The following HIPK1 variants were observed in gnomAD, a reference collection of about 807,000 sequenced individuals.
HIPK1 encodes homeodomain interacting protein kinase 1.
HIPK1 carries 28 observed loss-of-function variants against 117.1 expected under a neutral mutation model. The ratio of observed to expected loss-of-function variants is 0.24; its 90% CI spans 0.18 to 0.33. HIPK1 has a LOEUF of 0.33. HIPK1 is among the 10% of genes least tolerant of loss of function. The pLI is 1.00. For missense variants in HIPK1, 1,122 were observed against 1,475.1 expected (o/e 0.76, Z 3.92); for synonymous variants, 605 against 562.5 (o/e 1.08, Z -1.07).
At chr1:113,947,665 A>AT (rs1306755045) in intron 2 of HIPK1, among the ~76,000 whole-genome samples, 1 of 152,176 alleles carries the variant, frequency 6.6e-6, no homozygotes, top group Non-Finnish European at 1.5e-5. Context: ...GGTTGGAAGA[A>AT]TTTTTCAACT....
intron 2 of HIPK1, among the ~76,000 whole-genome samples, chr1:113,947,047 T>C (rs1206070589): frequency 6.6e-6 from 1 of 152,212 alleles, no homozygotes; most frequent in Non-Finnish European, 1.5e-5. Context: ...GTGAAGCATT[T>C]TGACTCCAAA....
intron 2 of HIPK1, among the ~76,000 whole-genome samples, chr1:113,950,667 T>G (rs1209410707): frequency 6.6e-6 from 1 of 152,166 alleles, no homozygotes; most frequent in Non-Finnish European, 1.5e-5. Context: ...CATGCCCAGC[T>G]AATTTTTGTA....
At chr1:113,971,982 T>C (rs764882647) in intron 15 of HIPK1, 28 bp downstream of exon 15, 88 of 1,612,652 alleles carry the variant, frequency 5.5e-5, no homozygotes, top group South Asian at 5.2e-4. Flanking sequence ...CTGCCTTCTG[T>C]TTGGGCCCTG....
At chr1:113,949,322 T>A (rs1446379276) in intron 2 of HIPK1, among the ~76,000 whole-genome samples, 1 of 152,146 alleles carries the variant, frequency 6.6e-6, no homozygotes, top group East Asian at 1.9e-4. Flanking sequence ...CCAGTTGTGC[T>A]CCCCCTGCCA....
chr1:113,944,160 T>G (rs1370243226), intron 2 of HIPK1, among the ~76,000 whole-genome samples: 5 of 43,988 alleles, frequency 1.1e-4, no homozygotes, highest in African/African-American at 1.8e-4. Flanking sequence ...TAGCCATGGG[T>G]TTTTTTTTTT....
intron 13 of HIPK1, 143 bp from the exon 14 acceptor site, chr1:113,969,812 TG>T (rs1328627079): frequency 1.2e-5 from 10 of 815,442 alleles, no homozygotes; most frequent in Admixed American, 2.0e-5. Context: ...GAGGCTAAGA[TG>T]GGAGGATAGC....
chr1:113,931,762 CA>C (rs1669913104), intron 1 of HIPK1, among the ~76,000 whole-genome samples: 1 of 152,162 alleles, frequency 6.6e-6, no homozygotes, highest in Non-Finnish European at 1.5e-5. Context: ...ATCAGTGAGT[CA>C]TACCGGCCTT....
At position 113,970,249 on chromosome 1, in the gene HIPK1, C is replaced by T. The variant is rs144114374; in HGVS notation, c.3013+52C>T. 5,191 of 1,601,634 alleles carry T rather than the reference C, an allele frequency of 3.2e-3. 19 individuals are homozygous for T. The highest frequency in any genetic ancestry group is 3.9e-3 in the Non-Finnish European group (4,536 of 1,170,418). On this transcript the variant is annotated intron_variant, in intron 14 of 15. Transcript: ENST00000426820. Reference sequence around the variant, plus strand: ...TGAATTCTCCTTTGATGTGTGAATGCTTAAATATTTTGCCATAATCCACTT... The same window carrying T: ...TGAATTCTCCTTTGATGTGTGAATGTTTAAATATTTTGCCATAATCCACTT...
intron 15 of HIPK1, chr1:113,972,165 A>G: frequency 7.2e-7 from 1 of 1,384,082 alleles, no homozygotes; most frequent in Non-Finnish European, 9.6e-7. Flanking sequence ...TAGGTTTTCC[A>G]TCAGACCTCC....
In HIPK1 at chr1:113,966,183, G is replaced by C. The variant is rs374247255; in HGVS notation, c.2292G>C (p.Gln764His). The change falls in exon 11 of 16, where the codon CAG becomes CAC. Residue 764 changes from glutamine (Q) to histidine (H), a missense_variant. Coordinates refer to ENST00000426820, the MANE Select transcript of HIPK1 (RefSeq NM_198268.3). ...TTCTCCTGCCTTCAACTTGGCAACA[G>C]TTGCCTGGGGTAGCTCTACACAACT... ...QQILLPSTWQ[Q>H]LPGVALHNSV... 2.5e-6 allele frequency: 4 copies of C among 1,613,820 alleles called. No homozygotes were observed. The South Asian group carries it at 3.3e-5, about 13-fold the overall frequency.
At position 113,961,547 on chromosome 1, in the gene HIPK1, G is replaced by A. The variant is rs530111874; in HGVS notation, c.1982-770G>A. 2.6e-5 allele frequency among the ~76,000 whole-genome samples: 4 copies of A among 152,248 alleles called. No homozygotes were observed. In the South Asian group the frequency reaches 6.2e-4, roughly 24 times the overall value. ...GGTAACTTAGATTATAAATTATTGA[G>A]CTTTTCGTAATCTTTCTTATCTAAT... On this transcript the variant is annotated intron_variant, in intron 8 of 15. Coordinates refer to ENST00000426820, the MANE Select transcript of HIPK1 (RefSeq NM_198268.3).
chr1:113,961,835 T>G (rs959078022), intron 8 of HIPK1, among the ~76,000 whole-genome samples: 5 of 150,880 alleles, frequency 3.3e-5, no homozygotes, highest in African/African-American at 1.2e-4. Context: ...TCGCAGCTAC[T>G]TGGGAGGCTG....
rs1015108756 is a variant in HIPK1, at chr1:113,929,656, C to G, written c.-3+124C>G. ...ACAACGGCGGCTGCGGAGCAAGGGGCCCGGCGGTAGCCCCGGACGGCAGCA... is the reference window on the plus strand; with the variant it reads ...ACAACGGCGGCTGCGGAGCAAGGGGGCCGGCGGTAGCCCCGGACGGCAGCA... On this transcript the variant is annotated intron_variant, in intron 1 of 15. Coordinates refer to ENST00000426820, the MANE Select transcript of HIPK1 (RefSeq NM_198268.3). 5 of 962,202 alleles carry G rather than the reference C, an allele frequency of 5.2e-6. No homozygotes were observed. The African/African-American group carries it at 5.3e-5, about 10-fold the overall frequency. The allele number at this position is 962,202 out of a possible 1,614,324, so 59.6% of individuals were successfully genotyped here.
At chr1:113,967,628 C>A in intron 11 of HIPK1, 138 bp from the exon 12 acceptor site, 3 of 466,418 alleles carry the variant, frequency 6.4e-6, no homozygotes, top group Non-Finnish European at 7.4e-6. Flanking sequence ...GGTTATTAAT[C>A]CCTTATCAGA....
Position 113,967,865 on chromosome 1 carries a change from T to G in HIPK1, c.2481T>G (p.Val827=). 1 of 1,612,422 alleles carries G rather than the reference T, an allele frequency of 6.2e-7. No homozygotes were observed. Among genetic ancestry groups the G allele is most frequent in the Non-Finnish European group, 8.5e-7 (1 of 1,179,694 alleles). ...TGGCCACTGCTCAGCCTCTGAATGT[T>G]GGTGTTGCCCATGTTGTCAGACAAC... ...VTLATAQPLN[V]GVAHVVRQQQ... is the part of the protein sequence containing the mutation. The change falls in exon 12 of 16, where the codon GTT becomes GTG. Residue 827 remains valine, a synonymous_variant. Transcript: ENST00000426820.
intron 2 of HIPK1, among the ~76,000 whole-genome samples, chr1:113,942,296 G>T (rs961875453): frequency 1.3e-5 from 2 of 150,350 alleles, no homozygotes; most frequent in African/African-American, 4.9e-5. Flanking sequence ...CCTGACCTCA[G>T]GTGATCCACC....
chr1:113,944,158 G>GT (rs1474594102), intron 2 of HIPK1, among the ~76,000 whole-genome samples: 6 of 84,578 alleles, frequency 7.1e-5, no homozygotes, highest in Non-Finnish European at 1.3e-4. Context: ...AATAGCCATG[G>GT]GTTTTTTTTT....
Position 113,968,517 on chromosome 1 carries a change from T to C in HIPK1, c.2640T>C (p.Tyr880=). 2 of 1,614,116 alleles carry C rather than the reference T, an allele frequency of 1.2e-6. No individual in the cohort carries two copies. The highest frequency in any genetic ancestry group is 1.3e-5 in the African/African-American group (1 of 75,056). Residue 880 remains tyrosine, a synonymous_variant, in exon 13 of 16, where the codon TAT becomes TAC. Transcript: ENST00000426820. ...GTCCCCTCCGCACCACATCTTCTTA[T>C]AATTCCTTGGTCCCTGTCCAAGATC... The part of the protein sequence containing the change: ...GSSPLRTTSS[Y]NSLVPVQDQH...
chr1:113,960,859 A>G (rs569020665), intron 8 of HIPK1, among the ~76,000 whole-genome samples: 1 of 152,306 alleles, frequency 6.6e-6, no homozygotes, highest in Non-Finnish European at 1.5e-5. Flanking sequence ...TAAATTACTC[A>G]TAAATTACTG....
Sources: allele counts gnomAD v4.1 joint callset (sites outside exome capture counted in the v4.1 genomes callset), GRCh38; gene constraint gnomAD v4.1.1; transcripts MANE v1.5; gene names NCBI Gene and HGNC (gene_info 2026-07-23, HGNC 2026-07-21).